Variants in SLCO5A1 observed in about 807,000 individuals in gnomAD.
SLCO5A1 encodes solute carrier organic anion transporter family member 5A1.
In SLCO5A1, 39 loss-of-function variants were observed where a neutral mutation model predicts 65.1. That is an observed-to-expected ratio of 0.60 (90% CI 0.46 to 0.78). The LOEUF is 0.78. SLCO5A1 is among the 30% of genes least tolerant of loss of function. The pLI is 0.00. For synonymous variants in SLCO5A1, 438 were observed against 415.7 expected (o/e 1.05, Z -0.65); for missense variants, 1,029 against 1,069.4 (o/e 0.96, Z 0.53).
At chr8:69,700,019 C>A (rs1358950085) in intron 6 of SLCO5A1, among the ~76,000 whole-genome samples, 2 of 152,144 alleles carry the variant, frequency 1.3e-5, no homozygotes, top group African/African-American at 4.8e-5. Flanking sequence ...TCACTTCAGA[C>A]CAGGAGGCAG....
Position 69,738,064 on chromosome 8 carries a change from C to T in SLCO5A1, c.1399G>A (p.Ala467Thr), listed in dbSNP as rs150726617. The T allele has an allele frequency of 4.7e-5, 75 of 1,612,300 alleles. No homozygotes were observed. The highest frequency in any genetic ancestry group is 5.9e-5 in the Non-Finnish European group (69 of 1,179,254). Residue 467 changes from alanine (A) to threonine (T), a missense_variant, in exon 5 of 10, where the codon GCC (alanine) becomes ACC (threonine). By Grantham distance (58) the Ala-to-Thr change is moderately conservative (BLOSUM62 0). Transcript: ENST00000260126. ...CCAGTGTAGATGCTGGCATTGGAGG[C>T]TGGGATACCAAACTGTGACTCGATG... ...KFIESQFGIP[A>T]SNASIYTGVI...
chr8:69,780,664 G>A (rs572804904), intron 2 of SLCO5A1, among the ~76,000 whole-genome samples: 1 of 152,268 alleles, frequency 6.6e-6, no homozygotes, highest in Admixed American at 6.5e-5. Flanking sequence ...AAGGGTGGAT[G>A]GTGGATGATG....
In SLCO5A1 at chr8:69,673,335, G is replaced by A. The variant is rs1290748285; in HGVS notation, c.2090-9C>T. Reference sequence around the variant, plus strand: ...TGGAGTAGGAATGTATGCTAGAGGGGTGGAGAAGAAGAAAATACGAAGACT... The same window carrying A: ...TGGAGTAGGAATGTATGCTAGAGGGATGGAGAAGAAGAAAATACGAAGACT... On this transcript the variant is annotated splice_polypyrimidine_tract_variant and intron_variant, in intron 9 of 9. Coordinates refer to ENST00000260126, the MANE Select transcript of SLCO5A1 (RefSeq NM_030958.3). The A allele has an allele frequency of 6.2e-7, 1 of 1,600,800 alleles. No individual in the cohort carries two copies. The highest frequency in any genetic ancestry group is 1.1e-5 in the South Asian group (1 of 90,498).
At chr8:69,754,004 C>CAA (rs71556780) in intron 4 of SLCO5A1, among the ~76,000 whole-genome samples, 99 of 73,156 alleles carry the variant, frequency 1.4e-3, no homozygotes, top group Non-Finnish European at 1.8e-3. Flanking sequence ...TGACCTATCT[C>CAA]AAAAAAAAAA....
At chr8:69,730,141 G>T (rs192614031) in intron 5 of SLCO5A1, among the ~76,000 whole-genome samples, 2 of 152,154 alleles carry the variant, frequency 1.3e-5, no homozygotes, top group Non-Finnish European at 2.9e-5. Flanking sequence ...ACTCTGAGTG[G>T]GTAAGCAACT....
At chr8:69,739,146 G>A (rs1299510459) in intron 4 of SLCO5A1, among the ~76,000 whole-genome samples, 2 of 152,134 alleles carry the variant, frequency 1.3e-5, no homozygotes, top group African/African-American at 2.4e-5. Flanking sequence ...AAAAATAGAT[G>A]TACATATATG....
chr8:69,672,914 G>T lies in SLCO5A1; in HGVS notation c.2502C>A (p.Asp834Glu), dbSNP rs1318186676. Reference sequence around the variant, plus strand: ...CAGCGGGGCTCTCTTCCAGCCCCGGGTCCGCAGAGGAACTTATTGCTTCTG... The same window carrying T: ...CAGCGGGGCTCTCTTCCAGCCCCGGTTCCGCAGAGGAACTTATTGCTTCTG... ...PFPEAISSSA[D>E]PGLEESPAAL... The change falls in exon 10 of 10, where the codon GAC becomes GAA. Residue 834 changes from aspartate (D) to glutamate (E), a missense_variant. By Grantham distance (45) the Asp-to-Glu change is conservative. Around this residue, in one of 3 missense-constraint regions of SLCO5A1, gnomAD observed 258 missense variants for 237.4 expected, o/e 1.09. Transcript: ENST00000260126. The T allele has an allele frequency of 1.9e-6, 3 of 1,613,918 alleles. No homozygotes were observed. In the Admixed American group the frequency reaches 5.0e-5, roughly 27 times the overall value.
At chr8:69,788,925 T>A (rs1819147249) in intron 2 of SLCO5A1, among the ~76,000 whole-genome samples, 1 of 152,212 alleles carries the variant, frequency 6.6e-6, no homozygotes, top group Admixed American at 6.5e-5. Flanking sequence ...CCTAAAAGAT[T>A]TGAATGCAAG....
intron 5 of SLCO5A1, among the ~76,000 whole-genome samples, chr8:69,729,371 G>C (rs1326384319): frequency 6.6e-6 from 1 of 150,620 alleles, no homozygotes; most frequent in African/African-American, 2.5e-5. Flanking sequence ...ATCAACCCGG[G>C]AGGCGGAACT....
chr8:69,781,237 G>A (rs1005635629), intron 2 of SLCO5A1, among the ~76,000 whole-genome samples: 12 of 152,182 alleles, frequency 7.9e-5, no homozygotes, highest in Non-Finnish European at 8.8e-5. Flanking sequence ...AAAGATCCAG[G>A]CTCAGAGCAA....
chr8:69,761,929 G>A (rs1817795081), intron 2 of SLCO5A1, 54 bp from the exon 3 acceptor site: 1 of 1,593,880 alleles, frequency 6.3e-7, no homozygotes, highest in African/African-American at 1.3e-5. Context: ...TTACATGTTA[G>A]GAGTTCTCTC....
At chr8:69,730,805 T>G (rs543056216) in intron 5 of SLCO5A1, among the ~76,000 whole-genome samples, 1 of 152,316 alleles carries the variant, frequency 6.6e-6, no homozygotes, top group East Asian at 1.9e-4. Context: ...CATGCTCATT[T>G]CATGTTTATT....
In SLCO5A1 at chr8:69,684,628, AT is replaced by A. The variant is rs375048151; in HGVS notation, c.1623-2286del. Among the ~76,000 whole-genome samples the A allele has an allele frequency of 7.7e-3, 1,177 of 152,278 alleles. 12 individuals are homozygous for A. The highest frequency in any genetic ancestry group is 0.027 in the African/African-American group (1,137 of 41,546). On this transcript the variant is annotated intron_variant, in intron 6 of 9. Transcript: ENST00000260126. ...GTGAATAACCTGCCCCTTATTTTGTATATAATTAATAGTGGGTATAAATATA... is the reference window on the plus strand; with the variant it reads ...GTGAATAACCTGCCCCTTATTTTGTAATAATTAATAGTGGGTATAAATATA...
At chr8:69,827,940 C>T (rs564392836) in intron 2 of SLCO5A1, among the ~76,000 whole-genome samples, 3 of 152,238 alleles carry the variant, frequency 2.0e-5, no homozygotes, top group South Asian at 2.1e-4. Context: ...CTCTGTTGAA[C>T]GTGGCACATC....
chr8:69,804,864 T>G (rs1370536143), intron 2 of SLCO5A1, among the ~76,000 whole-genome samples: 1 of 152,160 alleles, frequency 6.6e-6, no homozygotes, highest in Non-Finnish European at 1.5e-5. Flanking sequence ...ATTCGTGAGT[T>G]TCTCACCCAA....
intron 2 of SLCO5A1, among the ~76,000 whole-genome samples, chr8:69,786,113 C>G (rs572748799): frequency 6.6e-6 from 1 of 152,182 alleles, no homozygotes; most frequent in African/African-American, 2.4e-5. Flanking sequence ...TTTAATAGTT[C>G]AAAATGGAAA....
At chr8:69,827,162 G>C (rs1820957921) in intron 2 of SLCO5A1, among the ~76,000 whole-genome samples, 3 of 110,442 alleles carry the variant, frequency 2.7e-5, no homozygotes, top group East Asian at 6.6e-4. Flanking sequence ...TGGGGGGAGG[G>C]GGGAGGGATA....
intron 5 of SLCO5A1, among the ~76,000 whole-genome samples, chr8:69,737,037 T>C (rs1338292474): frequency 6.6e-6 from 1 of 152,228 alleles, no homozygotes; most frequent in Non-Finnish European, 1.5e-5. Context: ...ATATTTTAAG[T>C]CACAATTACA....
intron 6 of SLCO5A1, among the ~76,000 whole-genome samples, chr8:69,688,832 T>C (rs1453949091): frequency 2.0e-5 from 3 of 152,230 alleles, no homozygotes; most frequent in Non-Finnish European, 2.9e-5. Flanking sequence ...GCATGATTTA[T>C]AGTCCTTTGG....
Sources: gnomAD v4.1 joint callset for allele counts (sites outside exome capture counted in the v4.1 genomes callset) on GRCh38, gnomAD v4.1.1 for gene constraint, gnomAD v4.1.1 regional missense constraint, MANE v1.5 for transcripts, NCBI Gene and HGNC (gene_info 2026-07-23, HGNC 2026-07-21) for gene names.